Variants in CNN2 observed in about 807,000 individuals in gnomAD.
CNN2 encodes calponin 2.
In CNN2, 21 loss-of-function variants were observed where a neutral mutation model predicts 31.0. The ratio of observed to expected loss-of-function variants is 0.68; its 90% CI spans 0.48 to 0.98. The LOEUF is 0.98. CNN2 is among the 50% of genes least tolerant of loss of function. The pLI is 0.00. For missense variants in CNN2, 399 were observed against 427.3 expected (o/e 0.93, Z 0.58); for synonymous variants, 165 against 179.6 (o/e 0.92, Z 0.65).
In CNN2 at chr19:1,036,483, A is replaced by T; in HGVS notation, c.575A>T (p.Asp192Val). The change falls in exon 6 of 7, where the codon GAC (aspartate) becomes GTC (valine). Residue 192 changes from aspartate to valine, a missense_variant. Physicochemically the swap from Asp to Val is radical, Grantham distance 152. Coordinates refer to ENST00000263097, the MANE Select transcript of CNN2 (RefSeq NM_004368.4). ...TACGGCACGAGAAGGCATCTCTATG[A>T]CCCCAAGAACCATATCCTGCCCCCC... ...TAYGTRRHLY[D>V]PKNHILPPMD... The T allele has an allele frequency of 6.2e-7, 1 of 1,612,942 alleles. No individual in the cohort carries two copies. The highest frequency in any genetic ancestry group is 2.2e-5 in the East Asian group (1 of 44,870).
chr19:1,032,993 G>C, intron 4 of CNN2: 1 of 299,042 alleles, frequency 3.3e-6, no homozygotes, highest in Admixed American at 4.4e-5. Context: ...TGGCCAGGCT[G>C]GTCTTGAACT....
At chr19:1,035,799 G>A (rs902558281) in intron 4 of CNN2, among the ~76,000 whole-genome samples, 2 of 152,194 alleles carry the variant, frequency 1.3e-5, no homozygotes, top group Non-Finnish European at 2.9e-5. Context: ...GCACACGCCT[G>A]TAATCCTAGC....
In CNN2 at chr19:1,037,950, G is replaced by A; in HGVS notation, c.*50G>A. On this transcript the variant is annotated 3_prime_UTR_variant, in exon 7 of 7. Coordinates refer to ENST00000263097, the MANE Select transcript of CNN2 (RefSeq NM_004368.4). ...CATCGTCTGCCCATCTGGGTTTTTG[G>A]GTTTTTCTGTGTTTTCATCTTTTTT... 6.7e-7 allele frequency: 1 copy of A among 1,497,650 alleles called. No homozygotes were observed. Among genetic ancestry groups the A allele is most frequent in the Non-Finnish European group, 8.9e-7 (1 of 1,122,668 alleles). 92.8% of individuals were successfully genotyped at this position (1,497,650 alleles called of 1,614,324 possible). A position where few individuals can be genotyped will look rare whatever the true frequency, so the allele number is the denominator to read the frequency against.
chr19:1,036,104 A>G, intron 4 of CNN2, 26 bp from the exon 5 acceptor site: 1 of 1,565,176 alleles, frequency 6.4e-7, no homozygotes, highest in Non-Finnish European at 8.7e-7. Flanking sequence ...CTCTGCTGGT[A>G]CTCCCGGCCC....
Position 1,026,699 on chromosome 19 carries a change from G to A in CNN2, c.38G>A (p.Gly13Glu). The A allele has an allele frequency of 1.3e-6, 2 of 1,550,522 alleles. No homozygotes were observed. Among genetic ancestry groups the A allele is most frequent in the South Asian group, 1.2e-5 (1 of 84,252 alleles). The change falls in exon 1 of 7, where the codon GGG becomes GAG. Residue 13 changes from glycine (G) to glutamate (E), a missense_variant. Transcript: ENST00000263097. Reference protein sequence around the residue: ...STQFNKGPSYGLSAEVKNRLL... With the variant: ...STQFNKGPSYELSAEVKNRLL... Reference sequence around the variant, plus strand: ...CAGTTCAACAAGGGCCCCTCGTACGGGCTGTCGGCCGAGGTCAAGAACCGG... The same window carrying A: ...CAGTTCAACAAGGGCCCCTCGTACGAGCTGTCGGCCGAGGTCAAGAACCGG...
At chr19:1,031,564 CAAAAAAAAAAAAAA>C (rs536524090) in intron 2 of CNN2, among the ~76,000 whole-genome samples, 1 of 66,336 alleles carries the variant, frequency 1.5e-5, no homozygotes, top group Non-Finnish European at 2.6e-5. Context: ...GACTCCATCT[CAAAAAAAAAAAAAA>C]AAAAAAAAAA....
rs200363682 is a variant in CNN2, at chr19:1,037,642, C to T, written c.672C>T (p.Pro224=). The change falls in exon 7 of 7, where the codon CCC becomes CCT. Residue 224 remains proline, a synonymous_variant. Coordinates refer to ENST00000263097, the MANE Select transcript of CNN2 (RefSeq NM_004368.4). ...CTCTCCAGGTGGGCATGACGGCTCCCGGGACCCGGCGGCACATCTATGATA... is the reference window on the plus strand; with the variant it reads ...CTCTCCAGGTGGGCATGACGGCTCCTGGGACCCGGCGGCACATCTATGATA... ...KCASQVGMTA[P]GTRRHIYDTK... is the part of the protein sequence containing the mutation. The T allele has an allele frequency of 1.1e-5, 17 of 1,611,098 alleles. No individual in the cohort carries two copies. The highest frequency in any genetic ancestry group is 2.7e-5 in the African/African-American group (2 of 74,998).
At chr19:1,036,366 C>A in intron 5 of CNN2, 50 bp from the exon 6 acceptor site, 2 of 1,598,658 alleles carry the variant, frequency 1.3e-6, no homozygotes, top group South Asian at 2.2e-5. Flanking sequence ...CAGGGAGGGA[C>A]CGGAAGCTTG....
intron 2 of CNN2, 124 bp from the exon 3 acceptor site, chr19:1,032,268 C>T (rs914386803): frequency 2.1e-5 from 24 of 1,137,852 alleles, no homozygotes; most frequent in South Asian, 1.1e-4. Context: ...AAACTGAGGC[C>T]CAGAGAGAGG....
intron 4 of CNN2, 70 bp from the exon 5 acceptor site, chr19:1,036,059 GC>G: frequency 1.3e-6 from 2 of 1,499,638 alleles, no homozygotes; most frequent in Non-Finnish European, 1.8e-6. Context: ...TCTCTGTCCC[GC>G]CCCCAGGGCC....
At chr19:1,028,048 GC>G (rs2039426834) in intron 1 of CNN2, among the ~76,000 whole-genome samples, 1 of 152,194 alleles carries the variant, frequency 6.6e-6, no homozygotes, top group African/African-American at 2.4e-5. Context: ...CATTCATAGA[GC>G]CCCCCGTGCA....
intron 6 of CNN2, chr19:1,036,860 T>C (rs978208187): frequency 1.1e-5 from 5 of 448,588 alleles, no homozygotes; most frequent in Non-Finnish European, 2.1e-5. Flanking sequence ...ATTTTATTTA[T>C]GTATTTATTT....
chr19:1,027,474 G>C (rs1462384410), intron 1 of CNN2, among the ~76,000 whole-genome samples: 2 of 152,224 alleles, frequency 1.3e-5, no homozygotes, highest in Admixed American at 6.5e-5. Flanking sequence ...CAGCGAGTTC[G>C]AGACCAGTCT....
Position 1,032,414 on chromosome 19 carries a change from G to C in CNN2, c.208G>C (p.Gly70Arg), listed in dbSNP as rs1368984288. ...LCTLMNKLQP[G>R]SVPKINRSMQ... ...CAGACTCATGAACAAGCTACAGCCG[G>C]GCTCCGTCCCCAAGATCAACCGCTC... Residue 70 changes from glycine (G) to arginine (R), a missense_variant, in exon 3 of 7, where the codon GGC becomes CGC. Coordinates refer to ENST00000263097, the MANE Select transcript of CNN2 (RefSeq NM_004368.4). 6.2e-7 allele frequency: 1 copy of C among 1,613,648 alleles called. No individual in the cohort carries two copies.
intron 1 of CNN2, 77 bp from the exon 2 acceptor site, chr19:1,030,994 C>T: frequency 2.0e-6 from 3 of 1,519,788 alleles, no homozygotes; most frequent in East Asian, 4.8e-5. Context: ...CCGGCCCCAC[C>T]CTCTGCAGAG....
At position 1,036,153 on chromosome 19, in the gene CNN2, C is replaced by T. The variant is rs146615344; in HGVS notation, c.414C>T (p.Ser138=). The change falls in exon 5 of 7, where the codon AGC becomes AGT. Residue 138 remains serine, a synonymous_variant. Transcript: ENST00000263097. ...AGGCCAAGACTAAGGGGCTGCAGAGCGGGGTGGACATTGGCGTCAAGTACT... is the reference window on the plus strand; with the variant it reads ...AGGCCAAGACTAAGGGGCTGCAGAGTGGGGTGGACATTGGCGTCAAGTACT... ...AGKAKTKGLQ[S]GVDIGVKYSE... is the part of the protein sequence containing the mutation. 3.5e-5 allele frequency: 57 copies of T among 1,612,366 alleles called. No homozygotes were observed. The African/African-American group carries it at 5.2e-4, about 15-fold the overall frequency.
rs763840067 is a variant in CNN2, at chr19:1,031,061, G to A, written c.64-10G>A. 1.9e-6 allele frequency: 3 copies of A among 1,610,054 alleles called. No homozygotes were observed. The East Asian group carries it at 6.7e-5, about 36-fold the overall frequency. On this transcript the variant is annotated splice_polypyrimidine_tract_variant and intron_variant, in intron 1 of 6. Coordinates refer to ENST00000263097, the MANE Select transcript of CNN2 (RefSeq NM_004368.4). The stretch of plus-strand genomic sequence containing the variant: ...AGCCCAGCTCAGTCTCGTGCCCTTT[G>A]CTCCACCAGCTCCTGTCCAAATATG...
At chr19:1,026,789 AG>A in intron 1 of CNN2, 65 bp downstream of exon 1, 1 of 1,472,572 alleles carries the variant, frequency 6.8e-7, no homozygotes, top group Non-Finnish European at 9.1e-7. Context: ...CCGGTGCAGG[AG>A]CCCCCAGGCG....
At chr19:1,030,057 C>T (rs2039462506) in intron 1 of CNN2, among the ~76,000 whole-genome samples, 1 of 152,178 alleles carries the variant, frequency 6.6e-6, no homozygotes, top group South Asian at 2.1e-4. Context: ...CACGACCTGC[C>T]CCCATGCTTA....
Sources: gnomAD v4.1 joint callset for allele counts (sites outside exome capture counted in the v4.1 genomes callset) on GRCh38, gnomAD v4.1.1 for gene constraint, MANE v1.5 for transcripts, NCBI Gene and HGNC (gene_info 2026-07-23, HGNC 2026-07-21) for gene names.